Variants in ST6GALNAC3 observed in about 807,000 individuals in gnomAD.
The protein encoded by ST6GALNAC3 is alpha-N-acetylgalactosaminide alpha-2,6-sialyltransferase 3.
ST6GALNAC3 carries 25 observed loss-of-function variants against 32.7 expected under a neutral mutation model. That is an observed-to-expected ratio of 0.76 (90% CI 0.56 to 1.07). The LOEUF (loss-of-function observed/expected upper bound fraction) is 1.07. ST6GALNAC3 is among the 50% of genes least tolerant of loss of function. The pLI, the probability that ST6GALNAC3 is intolerant of heterozygous loss-of-function variation, is 0.00. For synonymous variants in ST6GALNAC3, 129 were observed against 133.1 expected, an observed-to-expected ratio of 0.97 and a Z score of 0.21; for missense variants, 355 against 382.4, an observed-to-expected ratio of 0.93 and a Z score of 0.60.
At chr1:76,621,785 G>T (rs1402634034) in intron 3 of ST6GALNAC3, among the ~76,000 whole-genome samples, 1 of 151,962 alleles carries the variant, frequency 6.6e-6, no homozygotes, top group Non-Finnish European at 1.5e-5. Flanking sequence ...GCTTTTAATT[G>T]AATAATCTGT....
At chr1:76,165,805 A>G (rs1355275161) in intron 1 of ST6GALNAC3, among the ~76,000 whole-genome samples, 2 of 152,190 alleles carry the variant, frequency 1.3e-5, no homozygotes, top group African/African-American at 4.8e-5. Context: ...TATTGGCTGC[A>G]TGTACATCTT....
Position 76,397,884 on chromosome 1 carries a change from C to T in ST6GALNAC3, c.214-14124C>T, listed in dbSNP as rs572633786. On this transcript the variant is annotated intron_variant, in intron 2 of 4. Coordinates refer to ENST00000328299, the MANE Select transcript of ST6GALNAC3 (RefSeq NM_152996.4). The stretch of plus-strand genomic sequence containing the variant: ...ACCATTTTTAATTCTCCTATTAGTT[C>T]TAATAGTTTTTCTCTGGTTGCTGTG... 4.6e-5 allele frequency among the ~76,000 whole-genome samples: 7 copies of T among 152,030 alleles called. No homozygotes were observed. The South Asian group carries it at 1.4e-3, about 31-fold the overall frequency.
intron 3 of ST6GALNAC3, among the ~76,000 whole-genome samples, chr1:76,466,460 C>T (rs1658637807): frequency 6.6e-6 from 1 of 152,036 alleles, no homozygotes; most frequent in Non-Finnish European, 1.5e-5. Flanking sequence ...TGCCATTTTA[C>T]ATCTGTCAAA....
At chr1:76,506,565 C>T (rs1009410727) in intron 3 of ST6GALNAC3, among the ~76,000 whole-genome samples, 2 of 152,184 alleles carry the variant, frequency 1.3e-5, no homozygotes, top group African/African-American at 2.4e-5. Flanking sequence ...GTAATTACTG[C>T]GTTTGGTTCC....
At chr1:76,490,447 T>G (rs192610150) in intron 3 of ST6GALNAC3, among the ~76,000 whole-genome samples, 154 of 149,008 alleles carry the variant, frequency 1.0e-3, no homozygotes, top group African/African-American at 3.7e-3. Flanking sequence ...TATATACTTA[T>G]ATGTTATATA....
At chr1:76,274,027 C>T (rs1422117340) in intron 1 of ST6GALNAC3, among the ~76,000 whole-genome samples, 1 of 152,070 alleles carries the variant, frequency 6.6e-6, no homozygotes, top group Non-Finnish European at 1.5e-5. Context: ...AGAAAAAGAC[C>T]AGCCATAATC....
intron 1 of ST6GALNAC3, among the ~76,000 whole-genome samples, chr1:76,288,189 G>C (rs1167591361): frequency 6.6e-6 from 1 of 152,142 alleles, no homozygotes; most frequent in East Asian, 1.9e-4. Context: ...TTGGGAGAAA[G>C]GTGAAATCAC....
intron 2 of ST6GALNAC3, among the ~76,000 whole-genome samples, chr1:76,320,646 A>G (rs1646948019): frequency 6.6e-6 from 1 of 152,154 alleles, no homozygotes; most frequent in Non-Finnish European, 1.5e-5. Flanking sequence ...ATATAGAAGA[A>G]GATAGAAAAT....
intron 1 of ST6GALNAC3, among the ~76,000 whole-genome samples, chr1:76,187,809 T>A (rs542691867): frequency 6.6e-6 from 1 of 152,218 alleles, no homozygotes; most frequent in Non-Finnish European, 1.5e-5. Context: ...TGTCTACAGA[T>A]ACCCACTCCT....
intron 1 of ST6GALNAC3, among the ~76,000 whole-genome samples, chr1:76,078,313 A>G (rs569546669): frequency 2.6e-5 from 4 of 152,330 alleles, no homozygotes; most frequent in Non-Finnish European, 4.4e-5. Flanking sequence ...CACTAAGAAG[A>G]GACCCCCATG....
chr1:76,455,670 C>T (rs776663788), intron 3 of ST6GALNAC3, among the ~76,000 whole-genome samples: 3 of 152,118 alleles, frequency 2.0e-5, no homozygotes, highest in Non-Finnish European at 4.4e-5. Flanking sequence ...TTTGCCTTCT[C>T]TCTGGGAGAG....
At chr1:76,460,428 A>C (rs1357691834) in intron 3 of ST6GALNAC3, among the ~76,000 whole-genome samples, 2 of 152,206 alleles carry the variant, frequency 1.3e-5, no homozygotes, top group African/African-American at 4.8e-5. Context: ...TCTCAAGGAT[A>C]AATTTTGCTA....
chr1:76,628,889 T>C lies in ST6GALNAC3; in HGVS notation c.*83T>C. ...ATGCTGATGATGCTAATGGAGATGATGGTAATGATAAAGACAACAACAATG... is the reference window on the plus strand; with the variant it reads ...ATGCTGATGATGCTAATGGAGATGACGGTAATGATAAAGACAACAACAATG... On this transcript the variant is annotated 3_prime_UTR_variant, in exon 5 of 5. Coordinates refer to ENST00000328299, the MANE Select transcript of ST6GALNAC3 (RefSeq NM_152996.4). The C allele has an allele frequency of 1.3e-5, 20 of 1,568,498 alleles. No individual in the cohort carries two copies. Among genetic ancestry groups the C allele is most frequent in the Non-Finnish European group, 1.7e-5 (20 of 1,165,302 alleles).
intron 2 of ST6GALNAC3, among the ~76,000 whole-genome samples, chr1:76,381,504 A>G (rs1326775538): frequency 6.6e-6 from 1 of 152,158 alleles, no homozygotes; most frequent in Non-Finnish European, 1.5e-5. Flanking sequence ...TAATCTTCAC[A>G]AGAGCACAGA....
intron 3 of ST6GALNAC3, among the ~76,000 whole-genome samples, chr1:76,501,389 C>T (rs781183878): frequency 5.9e-4 from 90 of 152,172 alleles, no homozygotes; most frequent in Admixed American, 3.1e-3. Context: ...ATCCCGGGAT[C>T]TTATCCTCCT....
intron 1 of ST6GALNAC3, among the ~76,000 whole-genome samples, chr1:76,135,285 C>T (rs1268592259): frequency 1.3e-5 from 2 of 152,160 alleles, no homozygotes; most frequent in African/African-American, 4.8e-5. Flanking sequence ...TGCTTTATTG[C>T]ACAAAGTAGT....
intron 1 of ST6GALNAC3, among the ~76,000 whole-genome samples, chr1:76,117,967 A>G (rs1648596109): frequency 6.6e-6 from 1 of 152,216 alleles, no homozygotes; most frequent in South Asian, 2.1e-4. Flanking sequence ...TATAAGACAC[A>G]GTAAGTTCTT....
chr1:76,434,173 T>A (rs1462745090), intron 3 of ST6GALNAC3, among the ~76,000 whole-genome samples: 1 of 152,126 alleles, frequency 6.6e-6, no homozygotes, highest in Non-Finnish European at 1.5e-5. Flanking sequence ...TAAACATGGG[T>A]TAGCTCCTTT....
At chr1:76,329,737 A>G (rs576460863) in intron 2 of ST6GALNAC3, among the ~76,000 whole-genome samples, 2 of 152,264 alleles carry the variant, frequency 1.3e-5, no homozygotes, top group Admixed American at 6.5e-5. Flanking sequence ...ACATCATTTC[A>G]TGTAACAAAT....
Sources: gnomAD v4.1 joint callset for allele counts (sites outside exome capture counted in the v4.1 genomes callset) on GRCh38, gnomAD v4.1.1 for gene constraint, MANE v1.5 for transcripts, NCBI Gene and HGNC (gene_info 2026-07-23, HGNC 2026-07-21) for gene names.